SH3RF3: variants seen among roughly 807,000 people sequenced by gnomAD.
SH3RF3 encodes the protein E3 ubiquitin-protein ligase SH3RF3.
SH3RF3 carries 29 observed loss-of-function variants against 66.3 expected under a neutral mutation model. The ratio of observed to expected loss-of-function variants is 0.44; its 90% confidence interval spans 0.33 to 0.60. The LOEUF (loss-of-function observed/expected upper bound fraction) is 0.60. Among genes scored for constraint, SH3RF3 ranks in the 20% least tolerant of loss-of-function variants. The pLI, the probability that SH3RF3 is intolerant of heterozygous loss-of-function variation, is 0.04. For synonymous variants in SH3RF3, 583 were observed against 532.0 expected (o/e 1.10, Z -1.32); for missense variants, 1,194 against 1,190.9 (o/e 1.00, Z -0.04).
At chr2:109,265,499 T>G (rs975540605) in intron 1 of SH3RF3, among the ~76,000 whole-genome samples, 6 of 152,224 alleles carry the variant, frequency 3.9e-5, no homozygotes, top group African/African-American at 1.4e-4. Flanking sequence ...GGCACCCTGC[T>G]GCCCACCCTT....
rs1681849030 is a variant in SH3RF3 at position 109,315,284 on chromosome 2, A to G, written c.574-32390A>G. 2.0e-5 allele frequency among the ~76,000 whole-genome samples: 3 copies of G among 152,218 alleles called. No individual in the cohort carries two copies. The South Asian group carries it at 6.2e-4, about 32-fold the overall frequency. ...ACGTGCCCACTGGGAAACACCCAGC[A>G]ATTTAATAGGGCCCTGGGTCCAACA... is the stretch of plus-strand genomic sequence containing the variant. On this transcript the variant is annotated intron_variant, in intron 1 of 9. Coordinates refer to ENST00000309415, the MANE Select transcript of SH3RF3 (RefSeq NM_001099289.3).
chr2:109,261,205 G>A (rs908741694), intron 1 of SH3RF3, among the ~76,000 whole-genome samples: 2 of 152,098 alleles, frequency 1.3e-5, no homozygotes, highest in African/African-American at 4.8e-5. Flanking sequence ...GCCCTTTGTA[G>A]TTGCATAGGT....
rs1184689023 is a variant in SH3RF3 at position 109,254,524 on chromosome 2, T to C, written c.574-93150T>C. Among the ~76,000 whole-genome samples, 4 of 152,220 alleles carry C rather than the reference T, an allele frequency of 2.6e-5. No individual in the cohort carries two copies. The South Asian group carries it at 8.3e-4, about 31-fold the overall frequency. ...AGCTTTGCCTCTGACACTGAGCTGATGTACCTGGGTCTGGCAATACAACAT... is the reference window on the plus strand; with the variant it reads ...AGCTTTGCCTCTGACACTGAGCTGACGTACCTGGGTCTGGCAATACAACAT... On this transcript the variant is annotated intron_variant, in intron 1 of 9. Coordinates refer to ENST00000309415, the MANE Select transcript of SH3RF3 (RefSeq NM_001099289.3).
intron 1 of SH3RF3, among the ~76,000 whole-genome samples, chr2:109,266,365 T>C (rs1050310598): frequency 6.6e-6 from 1 of 151,920 alleles, no homozygotes; most frequent in African/African-American, 2.4e-5. Context: ...GGATCCACTC[T>C]GCATCTGACA....
intron 4 of SH3RF3, among the ~76,000 whole-genome samples, chr2:109,419,246 C>T (rs1171175962): frequency 6.6e-6 from 1 of 152,146 alleles, no homozygotes; most frequent in East Asian, 1.9e-4. Flanking sequence ...AAGAATAAAG[C>T]CAGGTCTGGA....
At chr2:109,326,478 C>T (rs1426773415) in intron 1 of SH3RF3, among the ~76,000 whole-genome samples, 1 of 152,082 alleles carries the variant, frequency 6.6e-6, no homozygotes. Context: ...TGGTGAGAGA[C>T]GTTTCCTTCT....
At chr2:109,179,879 A>T (rs1459545134) in intron 1 of SH3RF3, among the ~76,000 whole-genome samples, 1 of 152,202 alleles carries the variant, frequency 6.6e-6, no homozygotes, top group Non-Finnish European at 1.5e-5. Context: ...AGTGCTCCTT[A>T]TCGCAGGAAA....
chr2:109,266,206 CATATGTATGTTGTGTGT>C (rs1680488999), intron 1 of SH3RF3, among the ~76,000 whole-genome samples: 2 of 141,322 alleles, frequency 1.4e-5, no homozygotes, highest in African/African-American at 5.4e-5. Flanking sequence ...GTGTTGTGTG[CATATGTATGTTGTGTGT>C]ATGTGTATTC....
At chr2:109,495,767 AG>A (rs1226624174) in intron 9 of SH3RF3, among the ~76,000 whole-genome samples, 3 of 152,138 alleles carry the variant, frequency 2.0e-5, no homozygotes, top group Non-Finnish European at 4.4e-5. Context: ...GCTGGGCGTG[AG>A]GCGTGAGCCA....
intron 3 of SH3RF3, among the ~76,000 whole-genome samples, chr2:109,381,109 G>A (rs1039919434): frequency 6.6e-6 from 1 of 152,224 alleles, no homozygotes; most frequent in African/African-American, 2.4e-5. Flanking sequence ...GCAGAGCCTT[G>A]TCCTGGTCTG....
chr2:109,360,837 A>G (rs536520350), intron 2 of SH3RF3, among the ~76,000 whole-genome samples: 13 of 152,288 alleles, frequency 8.5e-5, no homozygotes, highest in African/African-American at 1.7e-4. Flanking sequence ...TGTATTATCA[A>G]ATATTTTTAG....
intron 1 of SH3RF3, among the ~76,000 whole-genome samples, chr2:109,140,932 T>G (rs1406236384): frequency 6.6e-6 from 1 of 152,196 alleles, no homozygotes; most frequent in African/African-American, 2.4e-5. Flanking sequence ...GAGAAGCCCT[T>G]ACTTTCATAA....
chr2:109,250,526 A>G (rs1001407921), intron 1 of SH3RF3, among the ~76,000 whole-genome samples: 4 of 152,010 alleles, frequency 2.6e-5, no homozygotes, highest in Admixed American at 6.5e-5. Flanking sequence ...TGGATTTTAA[A>G]GGATCTAGAA....
At chr2:109,430,540 A>C (rs1297392055) in intron 5 of SH3RF3, among the ~76,000 whole-genome samples, 3 of 143,724 alleles carry the variant, frequency 2.1e-5, no homozygotes, top group Non-Finnish European at 3.0e-5. Flanking sequence ...TCCTCCCTCC[A>C]TCTCTCTCAT....
At chr2:109,182,029 A>G (rs1024516656) in intron 1 of SH3RF3, among the ~76,000 whole-genome samples, 1 of 152,204 alleles carries the variant, frequency 6.6e-6, no homozygotes, top group African/African-American at 2.4e-5. Flanking sequence ...CAAAAAAATT[A>G]TCTATGTGAT....
intron 1 of SH3RF3, among the ~76,000 whole-genome samples, chr2:109,165,337 T>C (rs1007825730): frequency 3.3e-5 from 5 of 152,180 alleles, no homozygotes; most frequent in Non-Finnish European, 7.3e-5. Context: ...TCCCTCATCC[T>C]TCCTGCTGCA....
chr2:109,474,611 G>GT (rs1182155661), intron 8 of SH3RF3, among the ~76,000 whole-genome samples: 1 of 152,144 alleles, frequency 6.6e-6, no homozygotes, highest in Admixed American at 6.5e-5. Flanking sequence ...GGTTTGGGCA[G>GT]GGGGGGAGAA....
intron 1 of SH3RF3, among the ~76,000 whole-genome samples, chr2:109,269,120 TGA>T (rs1297773443): frequency 2.0e-5 from 3 of 152,194 alleles, no homozygotes; most frequent in Non-Finnish European, 4.4e-5. Context: ...GATTTTGTGC[TGA>T]GTGGCATTGG....
intron 1 of SH3RF3, among the ~76,000 whole-genome samples, chr2:109,212,698 G>A (rs192010532): frequency 2.2e-4 from 34 of 152,288 alleles, no homozygotes; most frequent in African/African-American, 7.5e-4. Context: ...TGTAATCACA[G>A]AACTAATTGT....
Sources: gnomAD v4.1 joint callset for allele counts (sites outside exome capture counted in the v4.1 genomes callset) on GRCh38, gnomAD v4.1.1 for gene constraint, MANE v1.5 for transcripts, NCBI Gene and HGNC (gene_info 2026-07-23, HGNC 2026-07-21) for gene names.